The following CAPN13 variants were observed in gnomAD, a reference collection of about 807,000 sequenced individuals.
CAPN13 encodes calpain-13.
In CAPN13, 90 loss-of-function variants were observed where a neutral mutation model predicts 98.4. The observed-to-expected ratio is 0.92, with a 90% confidence interval of 0.77 to 1.09. The LOEUF is 1.09. CAPN13 is among the 50% of genes least tolerant of loss of function. The pLI is 0.00. For synonymous variants in CAPN13, 330 were observed against 305.5 expected (o/e 1.08, Z -0.84); for missense variants, 887 against 841.3 (o/e 1.05, Z -0.67).
At chr2:30,739,813 G>T (rs1295434875) in intron 15 of CAPN13, among the ~76,000 whole-genome samples, 4 of 152,116 alleles carry the variant, frequency 2.6e-5, no homozygotes, top group Non-Finnish European at 5.9e-5. Flanking sequence ...ATAGAGTGAG[G>T]GTTGCTTAGT....
At position 30,764,207 on chromosome 2, in the gene CAPN13, G is replaced by A. The variant is rs1672993962; in HGVS notation, c.624C>T (p.Ser208=). Residue 208 remains serine (S), a synonymous_variant, in exon 6 of 23, where the codon TCC becomes TCT. Transcript: ENST00000295055. ...TCACTGCCTTCACCAGGTCCACAGG[G>A]GAAGAGTGCAGATGGATGTTGGTGA... ...GVITNIHLHS[S]PVDLVKAVKT... 1.9e-6 allele frequency: 3 copies of A among 1,611,152 alleles called. No individual in the cohort carries two copies. Among genetic ancestry groups the A allele is most frequent in the South Asian group, 2.2e-5 (2 of 90,190 alleles).
chr2:30,798,910 C>A (rs4952182), intron 1 of CAPN13, among the ~76,000 whole-genome samples: 1 of 151,972 alleles, frequency 6.6e-6, no homozygotes, highest in African/African-American at 2.4e-5. Flanking sequence ...GGGGAAGGGG[C>A]CTGTGCACTT....
At chr2:30,781,193 G>A (rs1374571376) in intron 2 of CAPN13, among the ~76,000 whole-genome samples, 1 of 152,222 alleles carries the variant, frequency 6.6e-6, no homozygotes, top group Non-Finnish European at 1.5e-5. Flanking sequence ...TGACCGATTT[G>A]TTCCAGGTCA....
Position 30,743,579 on chromosome 2 carries a change from G to T in CAPN13, c.1249C>A (p.Arg417=), listed in dbSNP as rs201062209. 1 of 1,613,720 alleles carries T rather than the reference G, an allele frequency of 6.2e-7. No individual in the cohort carries two copies. The highest frequency in any genetic ancestry group is 1.7e-5 in the Admixed American group (1 of 60,014). ...ACGGGTGGAAATTTCTCCCGGAACC[G>T]CTGGAATTAGAGGAAACACAATGAT... The part of the protein sequence containing the change: ...DFQVILAGSQ[R]FREKFPPVFF... Residue 417 remains arginine (R), a splice_region_variant and synonymous_variant, in exon 13 of 23, where the codon CGG becomes AGG. Transcript: ENST00000295055.
chr2:30,806,812 C>T (rs1879280), intron 1 of CAPN13, among the ~76,000 whole-genome samples: 17,644 of 152,194 alleles, frequency 0.12, 1,306 homozygotes, highest in East Asian at 0.2. Context: ...GAGTTGTCAA[C>T]TTCATTCCTA....
intron 1 of CAPN13, among the ~76,000 whole-genome samples, chr2:30,799,900 C>T (rs536615162): frequency 7.0e-4 from 107 of 152,000 alleles, no homozygotes; most frequent in Middle Eastern, 3.4e-3. Context: ...GGTGAAACCC[C>T]GTCTCTACTA....
At chr2:30,798,811 A>G (rs1016803881) in intron 1 of CAPN13, among the ~76,000 whole-genome samples, 4 of 152,200 alleles carry the variant, frequency 2.6e-5, no homozygotes, top group African/African-American at 7.2e-5. Flanking sequence ...AGCAAAACCC[A>G]TTACTAATTC....
chr2:30,751,749 A>G (rs1292641638), intron 10 of CAPN13, among the ~76,000 whole-genome samples: 1 of 152,246 alleles, frequency 6.6e-6, no homozygotes, highest in African/African-American at 2.4e-5. Flanking sequence ...AAGAATGAAG[A>G]TAAGTCAAGA....
chr2:30,787,424 C>T (rs960602168), intron 1 of CAPN13, 67 bp from the exon 2 acceptor site: 32 of 1,243,670 alleles, frequency 2.6e-5, no homozygotes, highest in South Asian at 1.4e-4. Flanking sequence ...CAAATGTGAG[C>T]CCCAGATGGG....
chr2:30,761,473 C>T (rs1423077164), intron 7 of CAPN13, among the ~76,000 whole-genome samples: 1 of 152,208 alleles, frequency 6.6e-6, no homozygotes, highest in Non-Finnish European at 1.5e-5. Flanking sequence ...CCAGCAGTCA[C>T]TGCCATCTCC....
At chr2:30,757,767 C>T (rs1290946603) in intron 8 of CAPN13, among the ~76,000 whole-genome samples, 1 of 152,222 alleles carries the variant, frequency 6.6e-6, no homozygotes, top group Non-Finnish European at 1.5e-5. Context: ...CTGTAACCTT[C>T]TGGAGGGTGG....
In CAPN13 at chr2:30,738,308, A is replaced by T. The variant is rs2147960167; in HGVS notation, c.1595-15T>A. Reference sequence around the variant, plus strand: ...CCCTGGAGGTCCTGAGGAGAGAAGGACAGGAAGGACTGAAGTGTTGACAGT... The same window carrying T: ...CCCTGGAGGTCCTGAGGAGAGAAGGTCAGGAAGGACTGAAGTGTTGACAGT... On this transcript the variant is annotated splice_polypyrimidine_tract_variant and intron_variant, in intron 16 of 22. Coordinates refer to ENST00000295055, the MANE Select transcript of CAPN13 (RefSeq NM_144575.3). 1.2e-6 allele frequency: 2 copies of T among 1,613,908 alleles called. No homozygotes were observed. The highest frequency in any genetic ancestry group is 1.7e-6 in the Non-Finnish European group (2 of 1,179,846).
chr2:30,773,104 G>A (rs1033273901), intron 4 of CAPN13, among the ~76,000 whole-genome samples: 31 of 152,176 alleles, frequency 2.0e-4, no homozygotes, highest in African/African-American at 5.5e-4. Context: ...GATTACAGGC[G>A]TGAGCCACTG....
At chr2:30,785,912 T>C (rs1299149665) in intron 2 of CAPN13, among the ~76,000 whole-genome samples, 1 of 152,202 alleles carries the variant, frequency 6.6e-6, no homozygotes, top group Non-Finnish European at 1.5e-5. Context: ...TGCCAATGGC[T>C]GATAAGAGGA....
chr2:30,734,053 C>T (rs986999934), intron 19 of CAPN13, among the ~76,000 whole-genome samples: 2 of 152,226 alleles, frequency 1.3e-5, no homozygotes, highest in Non-Finnish European at 2.9e-5. Context: ...TAGCCCCAAA[C>T]TCTCTGTGAA....
rs371549970 is a variant in CAPN13 at position 30,763,132 on chromosome 2, C to G, written c.724G>C (p.Glu242Gln). The G allele has an allele frequency of 1.2e-6, 2 of 1,611,438 alleles. No homozygotes were observed. The highest frequency in any genetic ancestry group is 1.7e-6 in the Non-Finnish European group (2 of 1,179,034). Residue 242 changes from glutamate to glutamine, a missense_variant, in exon 7 of 23, where the codon GAG (glutamate) becomes CAG (glutamine). Coordinates refer to ENST00000295055, the MANE Select transcript of CAPN13 (RefSeq NM_144575.3). ...SGPTDTAQAM[E>Q]NGLVSLHAYT... is the part of the protein sequence containing the mutation. ...GCATGGAGACTCACCAGCCCATTCTCCATCGCCTGTGCTGTATCTGTTGGC... is the reference window on the plus strand; with the variant it reads ...GCATGGAGACTCACCAGCCCATTCTGCATCGCCTGTGCTGTATCTGTTGGC...
At chr2:30,768,757 G>A (rs1673237182) in intron 5 of CAPN13, among the ~76,000 whole-genome samples, 1 of 150,176 alleles carries the variant, frequency 6.7e-6, no homozygotes, top group African/African-American at 2.5e-5. Context: ...ATTTCAGGAT[G>A]TGGAATGTGC....
chr2:30,799,417 T>C (rs1675054628), intron 1 of CAPN13, among the ~76,000 whole-genome samples: 1 of 152,188 alleles, frequency 6.6e-6, no homozygotes, highest in Admixed American at 6.5e-5. Flanking sequence ...TCCATGCATG[T>C]GTGGCCTGAA....
chr2:30,737,804 T>C (rs989436542), intron 17 of CAPN13: 5 of 210,506 alleles, frequency 2.4e-5, no homozygotes, highest in African/African-American at 9.0e-5. Context: ...GGTTAGAGCA[T>C]CGACTTTGGA....
Sources: allele counts gnomAD v4.1 joint callset (sites outside exome capture counted in the v4.1 genomes callset), GRCh38; gene constraint gnomAD v4.1.1; transcripts MANE v1.5; gene names NCBI Gene and HGNC (gene_info 2026-07-23, HGNC 2026-07-21).